FBXL17: variants seen among roughly 807,000 people sequenced by gnomAD.
FBXL17 encodes the protein F-box and leucine rich repeat protein 17.
A neutral mutation model predicts 66.2 loss-of-function variants in FBXL17; 22 were observed. The observed-to-expected ratio is 0.33, with a 90% confidence interval of 0.24 to 0.47. FBXL17 has a LOEUF of 0.47. Ranked by LOEUF, FBXL17 falls within the 20% of genes least tolerant of loss-of-function variation. The pLI is 1.00. For synonymous variants in FBXL17, 474 were observed against 400.5 expected (o/e 1.18, Z -2.19); for missense variants, 878 against 948.2 (o/e 0.93, Z 0.97).
At chr5:107,906,255 A>T (rs17160716) in intron 7 of FBXL17, among the ~76,000 whole-genome samples, 3,414 of 152,238 alleles carry the variant, frequency 0.022, 127 homozygotes, top group African/African-American at 0.074. Context: ...TGTATATGCT[A>T]AATGTGAATA....
chr5:107,866,213 TAAAG>T (rs1748266462), intron 8 of FBXL17, among the ~76,000 whole-genome samples: 1 of 152,180 alleles, frequency 6.6e-6, no homozygotes, highest in South Asian at 2.1e-4. Context: ...TGTATCTTCT[TAAAG>T]AAATATGCCG....
At chr5:108,263,920 G>T (rs1173385740) in intron 4 of FBXL17, among the ~76,000 whole-genome samples, 2 of 152,024 alleles carry the variant, frequency 1.3e-5, no homozygotes, top group South Asian at 2.1e-4. Context: ...TTCTTTTAAA[G>T]AATCTCTACT....
At chr5:107,979,348 C>T (rs539984125) in intron 7 of FBXL17, among the ~76,000 whole-genome samples, 2 of 152,294 alleles carry the variant, frequency 1.3e-5, no homozygotes, top group South Asian at 4.1e-4. Context: ...CATATCATTA[C>T]TATTTCCTTA....
At chr5:107,925,837 T>G (rs186939881) in intron 7 of FBXL17, among the ~76,000 whole-genome samples, 1 of 152,312 alleles carries the variant, frequency 6.6e-6, no homozygotes, top group Admixed American at 6.5e-5. Context: ...AGAGTCTACT[T>G]TAGGGAATTA....
chr5:108,233,995 G>A (rs1268519467), intron 4 of FBXL17, among the ~76,000 whole-genome samples: 3 of 152,128 alleles, frequency 2.0e-5, no homozygotes. Flanking sequence ...AGCCCCTGCA[G>A]GAGGTGGAAA....
chr5:108,193,975 CA>C (rs750708297), intron 5 of FBXL17, among the ~76,000 whole-genome samples: 2 of 152,130 alleles, frequency 1.3e-5, no homozygotes, highest in Non-Finnish European at 2.9e-5. Flanking sequence ...CGCTTCTCCT[CA>C]AAGCTGTCCC....
chr5:108,206,671 G>C (rs190828426), intron 5 of FBXL17, among the ~76,000 whole-genome samples: 141 of 152,190 alleles, frequency 9.3e-4, no homozygotes, highest in African/African-American at 3.3e-3. Context: ...ATTATTTTGA[G>C]ATTAATCCAT....
chr5:108,154,961 T>G (rs1332899281), intron 6 of FBXL17, among the ~76,000 whole-genome samples: 1 of 151,896 alleles, frequency 6.6e-6, no homozygotes, highest in Non-Finnish European at 1.5e-5. Context: ...AGGCCACCCT[T>G]CAGACTTAAT....
intron 8 of FBXL17, chr5:107,879,834 A>G: frequency 1.0e-6 from 1 of 985,470 alleles, no homozygotes; most frequent in African/African-American, 1.7e-5. Flanking sequence ...TTCCAAGGGA[A>G]GCAGTCCCCG....
intron 4 of FBXL17, among the ~76,000 whole-genome samples, chr5:108,300,776 C>T (rs1202105580): frequency 6.6e-6 from 1 of 151,458 alleles, no homozygotes; most frequent in Non-Finnish European, 1.5e-5. Flanking sequence ...TATTACCTTG[C>T]ATCTATATAA....
chr5:108,222,255 T>C (rs1214253067), intron 5 of FBXL17, among the ~76,000 whole-genome samples: 1 of 152,108 alleles, frequency 6.6e-6, no homozygotes, highest in Non-Finnish European at 1.5e-5. Flanking sequence ...CTTTAATGAG[T>C]ACAATTTCAA....
At chr5:108,068,959 G>A (rs1380569828) in intron 6 of FBXL17, among the ~76,000 whole-genome samples, 1 of 152,188 alleles carries the variant, frequency 6.6e-6, no homozygotes, top group Non-Finnish European at 1.5e-5. Context: ...CCTGGCCTTG[G>A]AATTGATGTA....
chr5:107,977,776 A>T (rs573815357), intron 7 of FBXL17, among the ~76,000 whole-genome samples: 1 of 152,376 alleles, frequency 6.6e-6, no homozygotes, highest in East Asian at 1.9e-4. Flanking sequence ...TTGTTCAAGA[A>T]ACCCGGCACA....
chr5:108,339,882 G>T (rs1746760179), intron 4 of FBXL17, among the ~76,000 whole-genome samples: 1 of 152,090 alleles, frequency 6.6e-6, no homozygotes, highest in African/African-American at 2.4e-5. Flanking sequence ...ATCAGCTGAT[G>T]AATCCCCAGA....
chr5:107,862,986 G>T (rs1364327704), intron 8 of FBXL17, among the ~76,000 whole-genome samples: 1 of 151,452 alleles, frequency 6.6e-6, no homozygotes, highest in East Asian at 1.9e-4. Context: ...ACATTGTGTT[G>T]ATGATACTAA....
chr5:108,069,235 C>A (rs1220961711), intron 6 of FBXL17, among the ~76,000 whole-genome samples: 1 of 152,192 alleles, frequency 6.6e-6, no homozygotes, highest in African/African-American at 2.4e-5. Context: ...ACCATAATAT[C>A]ATTTGTTTTC....
At chr5:107,877,423 G>A (rs535997844) in intron 8 of FBXL17, among the ~76,000 whole-genome samples, 50 of 152,216 alleles carry the variant, frequency 3.3e-4, no homozygotes, top group African/African-American at 1.1e-3. Flanking sequence ...GTCGTGGGGG[G>A]AAACACTGTT....
At chr5:108,033,484 C>T (rs1172656161) in intron 6 of FBXL17, among the ~76,000 whole-genome samples, 1 of 152,120 alleles carries the variant, frequency 6.6e-6, no homozygotes, top group Admixed American at 6.6e-5. Flanking sequence ...CCACCGAGTT[C>T]CTTCATGCCC....
intron 5 of FBXL17, among the ~76,000 whole-genome samples, chr5:108,198,298 TC>T (rs1317226096): frequency 1.3e-5 from 2 of 152,010 alleles, no homozygotes; most frequent in African/African-American, 2.4e-5. Flanking sequence ...TACATAATTC[TC>T]CCCCAACCCA....
Sources: allele counts gnomAD v4.1 joint callset (sites outside exome capture counted in the v4.1 genomes callset), GRCh38; gene constraint gnomAD v4.1.1; transcripts MANE v1.5; gene names NCBI Gene and HGNC (gene_info 2026-07-23, HGNC 2026-07-21).